BMPR2: variants seen among roughly 807,000 people sequenced by gnomAD.
The protein encoded by BMPR2 is bone morphogenetic protein receptor type-2.
Under a neutral mutation model 100.8 loss-of-function variants are expected in BMPR2, and 29 were observed. The observed-to-expected ratio is 0.29, with a 90% CI of 0.21 to 0.39. The LOEUF is 0.39. Among genes scored for constraint, BMPR2 ranks in the 10% least tolerant of loss-of-function variants. The pLI, the probability that BMPR2 is intolerant of heterozygous loss-of-function variation, is 1.00. For missense variants in BMPR2, 1,011 were observed against 1,274.5 expected, an observed-to-expected ratio of 0.79 and a Z score of 3.15; for synonymous variants, 382 against 442.3, an observed-to-expected ratio of 0.86 and a Z score of 1.71.
At chr2:202,472,987 A>G (rs965514610) in intron 3 of BMPR2, among the ~76,000 whole-genome samples, 1 of 152,216 alleles carries the variant, frequency 6.6e-6, no homozygotes, top group Non-Finnish European at 1.5e-5. Context: ...GTAATATCAA[A>G]TGTCAGACAT....
In BMPR2 at chr2:202,563,620, C is replaced by T. The variant is rs1688711043; in HGVS notation, c.*3674C>T. 6.6e-6 allele frequency: 1 copy of T among 152,158 alleles called. No individual in the cohort carries two copies. The highest frequency in any genetic ancestry group is 2.4e-5 in the African/African-American group (1 of 41,424). 9.4% of individuals were successfully genotyped at this position (152,158 alleles called of 1,614,324 possible). A position where few individuals can be genotyped will look rare whatever the true frequency, so the allele number is the denominator to read the frequency against. On this transcript the variant is annotated 3_prime_UTR_variant, in exon 13 of 13. Transcript: ENST00000374580. ...CAAAACTCAATCCTGTATCTTCCAT[C>T]ATGAATCTTAAAATCATTTCACTTC...
intron 10 of BMPR2, among the ~76,000 whole-genome samples, chr2:202,549,746 C>CAAA (rs34226687): frequency 5.0e-5 from 6 of 119,468 alleles, no homozygotes; most frequent in Non-Finnish European, 1.1e-4. Context: ...GACTCTGTCT[C>CAAA]AAAAAAAAAA....
At chr2:202,535,684 G>A (rs1318793804) in intron 9 of BMPR2, among the ~76,000 whole-genome samples, 1 of 152,122 alleles carries the variant, frequency 6.6e-6, no homozygotes, top group African/African-American at 2.4e-5. Context: ...AGACGGGGTG[G>A]CGGCCGGGCA....
intron 1 of BMPR2, among the ~76,000 whole-genome samples, chr2:202,446,383 A>C (rs1340117220): frequency 1.3e-5 from 2 of 149,802 alleles, no homozygotes; most frequent in African/African-American, 5.1e-5. Context: ...GGGCAACAAG[A>C]GCGAAACTCC....
rs772972706 is a variant in BMPR2 at position 202,532,744 on chromosome 2, T to G, written c.1276+12T>G. On this transcript the variant is annotated intron_variant, in intron 9 of 12. Transcript: ENST00000374580. The surrounding 1 kb of genome is among the most constrained non-coding windows in gnomAD (Gnocchi z 4.1). The stretch of plus-strand genomic sequence containing the variant: ...AGACCTCTTCCCAGGTAAAAACTAC[T>G]GTCAAAAGTTGATATTTTTTGAAGT... 3 of 1,609,762 alleles carry G rather than the reference T, an allele frequency of 1.9e-6. No individual in the cohort carries two copies. In the South Asian group the frequency reaches 3.3e-5, roughly 18 times the overall value.
At chr2:202,543,753 A>G (rs942124027) in intron 10 of BMPR2, among the ~76,000 whole-genome samples, 1 of 152,076 alleles carries the variant, frequency 6.6e-6, no homozygotes, top group Admixed American at 6.6e-5. Context: ...TTTGTCTGTA[A>G]ATTCATCTAA....
chr2:202,545,604 G>A (rs1205243367), intron 10 of BMPR2, among the ~76,000 whole-genome samples: 1 of 152,142 alleles, frequency 6.6e-6, no homozygotes, highest in Non-Finnish European at 1.5e-5. Flanking sequence ...GATTTAAGTG[G>A]GGTGATGTCA....
intron 3 of BMPR2, among the ~76,000 whole-genome samples, chr2:202,489,001 CT>C (rs199776901): frequency 0.17 from 23,871 of 137,160 alleles, 1,997 homozygotes; most frequent in Middle Eastern, 0.24. Context: ...CTTTTTGTTA[CT>C]TTTTTTTTTT....
At chr2:202,379,029 CTTAAT>C (rs1304775190) in intron 1 of BMPR2, among the ~76,000 whole-genome samples, 2 of 152,100 alleles carry the variant, frequency 1.3e-5, no homozygotes, top group African/African-American at 2.4e-5. Context: ...TAAAAATAAA[CTTAAT>C]TTTTGTTTGG....
rs199900700 is a variant in BMPR2, at chr2:202,485,000, GA to G, written c.418+17319del. Among the ~76,000 whole-genome samples, 451 of 144,502 alleles carry G rather than the reference GA, an allele frequency of 3.1e-3. 4 individuals are homozygous for G. The highest frequency in any genetic ancestry group is 0.018 in the Admixed American group (255 of 14,430). 94.8% of individuals were successfully genotyped at this position (144,502 alleles called of 152,430 possible). The stretch of plus-strand genomic sequence containing the variant: ...AAAAAAAAAAAAAAGAAAGAAAGAA[GA>G]AAAAAAATAGAGATGAGGTCTCACT... On this transcript the variant is annotated intron_variant, in intron 3 of 12. Transcript: ENST00000374580.
rs930208060 is a variant in BMPR2 at position 202,548,760 on chromosome 2, G to A, written c.1414-3956G>A. Reference sequence around the variant, plus strand: ...CACTCCCTTTAACTTATTTACACAAGCATTAAGGTATCATTATTTACCTAT... The same window carrying A: ...CACTCCCTTTAACTTATTTACACAAACATTAAGGTATCATTATTTACCTAT... On this transcript the variant is annotated intron_variant, in intron 10 of 12. Transcript: ENST00000374580. Among the ~76,000 whole-genome samples the A allele has an allele frequency of 3.3e-5, 5 of 151,914 alleles. No homozygotes were observed. In the East Asian group the frequency reaches 9.6e-4, roughly 29 times the overall value.
At position 202,410,397 on chromosome 2, in the gene BMPR2, C is replaced by T. The variant is rs139831434; in HGVS notation, c.76+32847C>T. ...ATGAACCTGAAACATTTAATGGTAT[C>T]AGAAAGTAACTAAAAAATGATAGGG... On this transcript the variant is annotated intron_variant, in intron 1 of 12. Transcript: ENST00000374580. Among the ~76,000 whole-genome samples, 479 of 152,168 alleles carry T rather than the reference C, an allele frequency of 3.1e-3. 3 individuals are homozygous for T. Among genetic ancestry groups the T allele is most frequent in the African/African-American group, 0.011 (464 of 41,520 alleles).
intron 7 of BMPR2, among the ~76,000 whole-genome samples, chr2:202,522,718 C>T (rs562903981): frequency 4.0e-5 from 6 of 151,400 alleles, no homozygotes; most frequent in African/African-American, 1.5e-4. Flanking sequence ...GTGGTCCCAC[C>T]TACTCAGGAG....
chr2:202,479,142 A>G (rs1692609504), intron 3 of BMPR2, among the ~76,000 whole-genome samples: 1 of 152,200 alleles, frequency 6.6e-6, no homozygotes, highest in South Asian at 2.1e-4. Context: ...TTAAAAGACC[A>G]TGACTGTTAT....
At chr2:202,535,574 G>A (rs556086477) in intron 9 of BMPR2, among the ~76,000 whole-genome samples, 194 of 151,644 alleles carry the variant, frequency 1.3e-3, no homozygotes, top group African/African-American at 4.4e-3. Flanking sequence ...GATGGCGGCC[G>A]GGCGGAGACG....
At chr2:202,462,630 C>CTT (rs71952440) in intron 1 of BMPR2, among the ~76,000 whole-genome samples, 1 of 142,930 alleles carries the variant, frequency 7.0e-6, no homozygotes. Context: ...CACCCCGTAC[C>CTT]TTTTTTTTTT....
intron 3 of BMPR2, among the ~76,000 whole-genome samples, chr2:202,506,925 T>C (rs1346305332): frequency 6.6e-6 from 1 of 151,544 alleles, no homozygotes; most frequent in Non-Finnish European, 1.5e-5. Flanking sequence ...GCAAAAAAAT[T>C]AGCCGGGCAT....
chr2:202,567,704 T>G lies in BMPR2; in HGVS notation c.*7758T>G, dbSNP rs1407951011. 6.6e-6 allele frequency: 1 copy of G among 152,598 alleles called. No homozygotes were observed. Among genetic ancestry groups the G allele is most frequent in the East Asian group, 1.9e-4 (1 of 5,198 alleles). The allele number at this position is 152,598 out of a possible 1,614,324, so 9.5% of individuals were successfully genotyped here. On this transcript the variant is annotated 3_prime_UTR_variant, in exon 13 of 13. Transcript: ENST00000374580. ...TCTTTAGGTTTAAAAAGGCTTGCTG[T>G]AAAATGGTGCGTTATTCCGTTTATT...
chr2:202,525,084 CTATAT>C (rs1019279476), intron 7 of BMPR2, among the ~76,000 whole-genome samples: 1 of 152,032 alleles, frequency 6.6e-6, no homozygotes, highest in African/African-American at 2.4e-5. Context: ...CTTAGCTAGG[CTATAT>C]TATATTTTCC....
Sources: allele counts gnomAD v4.1 joint callset (sites outside exome capture counted in the v4.1 genomes callset), GRCh38; gene constraint gnomAD v4.1.1; non-coding constraint Gnocchi (gnomAD v3.1); transcripts MANE v1.5; gene names NCBI Gene and HGNC (gene_info 2026-07-23, HGNC 2026-07-21).